Variants in ROBO1 observed in about 807,000 individuals in gnomAD.
ROBO1 encodes the protein roundabout guidance receptor 1.
Under a neutral mutation model 195.9 loss-of-function variants are expected in ROBO1, and 149 were observed. The ratio of observed to expected loss-of-function variants is 0.76; its 90% CI spans 0.67 to 0.87. The LOEUF is 0.87. Ranked by LOEUF, ROBO1 falls within the 40% of genes least tolerant of loss-of-function variation. ROBO1 has a pLI of 0.00. For synonymous variants in ROBO1, 816 were observed against 733.2 expected, an observed-to-expected ratio of 1.11 and a Z score of -1.82; for missense variants, 1,933 against 2,068.3, an observed-to-expected ratio of 0.93 and a Z score of 1.27.
At chr3:79,358,741 C>T (rs1229226591) in intron 2 of ROBO1, among the ~76,000 whole-genome samples, 3 of 152,014 alleles carry the variant, frequency 2.0e-5, no homozygotes, top group Admixed American at 2.0e-4. Flanking sequence ...CTAAATACCT[C>T]TTTTCTCAAA....
Position 79,437,137 on chromosome 3 carries a change from T to C in ROBO1, c.88+152687A>G, listed in dbSNP as rs555989317. ...ATCTTAGTCACTGCTAATAGAAGTA[T>C]TGAGAATCAAGAAAGGCTGATCTAC... On this transcript the variant is annotated intron_variant, in intron 2 of 30. Coordinates refer to ENST00000464233, the MANE Select transcript of ROBO1 (RefSeq NM_002941.4). Among the ~76,000 whole-genome samples, 3 of 152,176 alleles carry C rather than the reference T, an allele frequency of 2.0e-5. No individual in the cohort carries two copies. The South Asian group carries it at 6.2e-4, about 32-fold the overall frequency.
At chr3:79,434,502 CA>C in intron 2 of ROBO1, among the ~76,000 whole-genome samples, 1 of 152,226 alleles carries the variant, frequency 6.6e-6, no homozygotes, top group South Asian at 2.1e-4. Context: ...AAATGCAAAT[CA>C]AAACCACAAT....
intron 4 of ROBO1, among the ~76,000 whole-genome samples, chr3:78,809,127 A>G (rs565082491): frequency 6.6e-6 from 1 of 152,248 alleles, no homozygotes; most frequent in African/African-American, 2.4e-5. Flanking sequence ...TCCAGAATCT[A>G]TAAAGAACTT....
chr3:79,447,196 C>T (rs1193819205), intron 2 of ROBO1, among the ~76,000 whole-genome samples: 2 of 151,974 alleles, frequency 1.3e-5, no homozygotes, highest in Non-Finnish European at 2.9e-5. Context: ...ACTCGATTGC[C>T]TCTAAAAAGA....
intron 2 of ROBO1, among the ~76,000 whole-genome samples, chr3:79,411,099 TAG>T (rs1264297076): frequency 6.6e-6 from 1 of 152,150 alleles, no homozygotes; most frequent in Admixed American, 6.6e-5. Context: ...AAGATAAATA[TAG>T]ATAGACATAG....
chr3:79,169,805 T>G (rs997454747), intron 2 of ROBO1, among the ~76,000 whole-genome samples: 2 of 152,148 alleles, frequency 1.3e-5, no homozygotes, highest in Admixed American at 6.6e-5. Context: ...TTTCACAAGT[T>G]TAGGTCTTAA....
intron 2 of ROBO1, among the ~76,000 whole-genome samples, chr3:79,262,548 G>C (rs975911828): frequency 1.3e-5 from 2 of 151,658 alleles, no homozygotes; most frequent in African/African-American, 4.8e-5. Flanking sequence ...TTTTTTCTAG[G>C]CAAGAAATAA....
chr3:79,654,897 A>T (rs1163364892), intron 1 of ROBO1, among the ~76,000 whole-genome samples: 1 of 152,006 alleles, frequency 6.6e-6, no homozygotes, highest in Non-Finnish European at 1.5e-5. Context: ...CCTTTGCTAC[A>T]TCACCGCCTC....
intron 2 of ROBO1, among the ~76,000 whole-genome samples, chr3:79,188,672 T>C (rs542910226): frequency 2.9e-4 from 44 of 151,880 alleles, no homozygotes; most frequent in African/African-American, 1.0e-3. Context: ...ACCAATACAT[T>C]TCATGGAAGC....
intron 2 of ROBO1, among the ~76,000 whole-genome samples, chr3:79,171,066 A>G (rs1252595853): frequency 6.6e-6 from 1 of 151,262 alleles, no homozygotes; most frequent in Non-Finnish European, 1.5e-5. Flanking sequence ...TATAATAATG[A>G]CTTTCTATAA....
chr3:78,667,280 T>C (rs992016023), intron 14 of ROBO1, among the ~76,000 whole-genome samples: 1 of 152,136 alleles, frequency 6.6e-6, no homozygotes, highest in Non-Finnish European at 1.5e-5. Context: ...ATTTTTAAAA[T>C]TTATGGGTAC....
At chr3:79,631,999 A>C (rs1411880259) in intron 1 of ROBO1, among the ~76,000 whole-genome samples, 1 of 152,082 alleles carries the variant, frequency 6.6e-6, no homozygotes, top group Non-Finnish European at 1.5e-5. Flanking sequence ...GATCACAGAG[A>C]ATAGGGAATG....
intron 2 of ROBO1, among the ~76,000 whole-genome samples, chr3:79,403,737 G>T (rs539544297): frequency 6.6e-6 from 1 of 151,788 alleles, no homozygotes; most frequent in African/African-American, 2.4e-5. Context: ...CATGAGTATC[G>T]TGAGAAAACC....
rs1015378386 is a variant in ROBO1, at chr3:78,694,423, T to A, written c.1046-5651A>T. Among the ~76,000 whole-genome samples the A allele has an allele frequency of 2.6e-5, 4 of 152,288 alleles. No individual in the cohort carries two copies. The South Asian group carries it at 8.3e-4, about 32-fold the overall frequency. ...AAGTGGTACAGTTATAAAGCAAAGA[T>A]AAAATTTCTCTTGCATACTTTTGTC... On this transcript the variant is annotated intron_variant, in intron 8 of 30. Transcript: ENST00000464233.
At chr3:79,455,644 G>A (rs2039595807) in intron 2 of ROBO1, among the ~76,000 whole-genome samples, 2 of 152,076 alleles carry the variant, frequency 1.3e-5, no homozygotes, top group East Asian at 3.9e-4. Flanking sequence ...TATTTGACTC[G>A]TGGGTTGTTC....
intron 3 of ROBO1, among the ~76,000 whole-genome samples, chr3:78,961,793 T>A (rs566296334): frequency 1.3e-5 from 2 of 151,710 alleles, no homozygotes; most frequent in South Asian, 2.1e-4. Context: ...AGACCCATAA[T>A]TTTTTTTTAA....
chr3:78,611,700 C>T (rs148717977), intron 28 of ROBO1, among the ~76,000 whole-genome samples: 1 of 152,182 alleles, frequency 6.6e-6, no homozygotes, highest in Non-Finnish European at 1.5e-5. Flanking sequence ...ATGTTGAAGT[C>T]CTAACCCCCA....
At position 79,377,821 on chromosome 3, in the gene ROBO1, G is replaced by A. The variant is rs983780019; in HGVS notation, c.88+212003C>T. Among the ~76,000 whole-genome samples, 5 of 151,876 alleles carry A rather than the reference G, an allele frequency of 3.3e-5. No homozygotes were observed. The East Asian group carries it at 5.8e-4, about 18-fold the overall frequency. ...ACTTAATTTCATATGTGAGTGATAC[G>A]GTCGTGCTAGCAGATCAGAGAAGAT... is the stretch of plus-strand genomic sequence containing the variant. On this transcript the variant is annotated intron_variant, in intron 2 of 30. Transcript: ENST00000464233.
At chr3:78,993,957 A>G (rs187012166) in intron 3 of ROBO1, among the ~76,000 whole-genome samples, 62 of 152,202 alleles carry the variant, frequency 4.1e-4, no homozygotes, top group Non-Finnish European at 6.5e-4. Flanking sequence ...AAAGGAAAAG[A>G]AAGAGAATGG....
Sources: allele counts gnomAD v4.1 joint callset (sites outside exome capture counted in the v4.1 genomes callset), GRCh38; gene constraint gnomAD v4.1.1; transcripts MANE v1.5; gene names NCBI Gene and HGNC (gene_info 2026-07-23, HGNC 2026-07-21).